The following SGCD variants were observed in gnomAD, a reference collection of about 807,000 sequenced individuals.
SGCD encodes sarcoglycan delta, also known as delta-sarcoglycan.
In SGCD, 18 loss-of-function variants were observed where a neutral mutation model predicts 36.6. That is an observed-to-expected ratio of 0.49 (90% CI 0.34 to 0.73). The LOEUF (loss-of-function observed/expected upper bound fraction) is 0.73, where lower values mean the gene tolerates loss of function less well. Among genes scored for constraint, SGCD ranks in the 30% least tolerant of loss-of-function variants. The probability of loss-of-function intolerance (pLI) is 0.01; values close to 1 mark genes in which losing one functional copy is unlikely to be tolerated. For synonymous variants in SGCD, 133 were observed against 130.6 expected, an observed-to-expected ratio of 1.02 and a Z score of -0.12; for missense variants, 387 against 346.7, an observed-to-expected ratio of 1.12 and a Z score of -0.92.
At chr5:155,997,318 A>G (rs1464724071) in intron 1 of SGCD, among the ~76,000 whole-genome samples, 1 of 152,250 alleles carries the variant, frequency 6.6e-6, no homozygotes, top group Admixed American at 6.5e-5. Context: ...ATGCTATGCT[A>G]ATTCTCAACA....
At chr5:156,223,554 G>A (rs1221392863) in intron 3 of SGCD, among the ~76,000 whole-genome samples, 1 of 152,076 alleles carries the variant, frequency 6.6e-6, no homozygotes, top group African/African-American at 2.4e-5. Flanking sequence ...GACTTCGGGT[G>A]TGTTGATTTC....
chr5:155,736,012 G>T, the SGCD span, among the ~76,000 whole-genome samples: 1 of 152,070 alleles, frequency 6.6e-6, no homozygotes, highest in Non-Finnish European at 1.5e-5. Context: ...TTTTTAGATG[G>T]GAAGCAGTCA....
chr5:156,101,984 G>A (rs1446568228), intron 1 of SGCD, among the ~76,000 whole-genome samples: 3 of 150,582 alleles, frequency 2.0e-5, no homozygotes, highest in African/African-American at 7.3e-5. Context: ...GTGAGTTGGT[G>A]GTAGTACTTG....
At chr5:156,700,858 G>A (rs1183545406) in intron 7 of SGCD, among the ~76,000 whole-genome samples, 6 of 150,026 alleles carry the variant, frequency 4.0e-5, no homozygotes, top group South Asian at 2.1e-4. Flanking sequence ...CAGAAAGATC[G>A]CTTGAGCTTA....
chr5:156,384,503 A>G (rs1771169946), intron 3 of SGCD, among the ~76,000 whole-genome samples: 1 of 152,148 alleles, frequency 6.6e-6, no homozygotes, highest in South Asian at 2.1e-4. Context: ...TAGTTGATTG[A>G]GCTTGTGTGC....
chr5:155,806,605 A>G, the SGCD span, among the ~76,000 whole-genome samples: 389 of 152,332 alleles, frequency 2.6e-3, no homozygotes, highest in African/African-American at 9.1e-3. Context: ...TTTAATCTTC[A>G]TTTGTTATAG....
chr5:156,443,515 G>A (rs1295484880), intron 3 of SGCD, among the ~76,000 whole-genome samples: 3 of 152,090 alleles, frequency 2.0e-5, no homozygotes, highest in Non-Finnish European at 4.4e-5. Context: ...GGACTGAGCT[G>A]ATTAAAAGCT....
chr5:155,951,913 G>A (rs1757555772), intron 1 of SGCD, among the ~76,000 whole-genome samples: 1 of 152,162 alleles, frequency 6.6e-6, no homozygotes, highest in Non-Finnish European at 1.5e-5. Flanking sequence ...GAACCCATAT[G>A]TCCTCTGACC....
chr5:155,904,106 T>G lies in SGCD; in HGVS notation c.-282+33682T>G, dbSNP rs370662658. Among the ~76,000 whole-genome samples, 3 of 152,324 alleles carry G rather than the reference T, an allele frequency of 2.0e-5. No homozygotes were observed. In the East Asian group the frequency reaches 5.8e-4, roughly 29 times the overall value. On this transcript the variant is annotated intron_variant, in intron 1 of 9. Transcript: ENST00000517913. ...AAGTGTGAAAATAGGCATCTTCATA[T>G]GCCTTTGGGAAGAGTGAATTTTGTT...
chr5:155,765,344 G>A, the SGCD span, among the ~76,000 whole-genome samples: 1 of 143,948 alleles, frequency 6.9e-6, no homozygotes. Context: ...GGAAGGAAGG[G>A]AAAGAGAGAG....
At chr5:156,027,233 C>G (rs182997094) in intron 1 of SGCD, among the ~76,000 whole-genome samples, 4 of 152,308 alleles carry the variant, frequency 2.6e-5, no homozygotes, top group Admixed American at 2.6e-4. Context: ...ATTCCAAACT[C>G]TTCTTCTGGT....
chr5:156,074,801 G>GT (rs1760720808), intron 1 of SGCD, among the ~76,000 whole-genome samples: 1 of 152,228 alleles, frequency 6.6e-6, no homozygotes, highest in South Asian at 2.1e-4. Context: ...TAGCATTCAT[G>GT]TTTTTGCAGG....
At chr5:156,607,427 G>A (rs953374142) in intron 6 of SGCD, among the ~76,000 whole-genome samples, 2 of 152,192 alleles carry the variant, frequency 1.3e-5, no homozygotes, top group Non-Finnish European at 2.9e-5. Context: ...GCTTTTTGAT[G>A]TGCTGCTGGA....
At chr5:156,285,335 T>C (rs1168759648) in intron 3 of SGCD, among the ~76,000 whole-genome samples, 1 of 152,140 alleles carries the variant, frequency 6.6e-6, no homozygotes, top group East Asian at 1.9e-4. Context: ...TTAAAGTTCA[T>C]ATGGAACCCA....
At chr5:156,250,943 C>T (rs188863296) in intron 3 of SGCD, among the ~76,000 whole-genome samples, 16 of 152,248 alleles carry the variant, frequency 1.1e-4, no homozygotes, top group South Asian at 2.1e-4. Flanking sequence ...CTTGAAAACA[C>T]GCATTGCTCT....
At chr5:156,378,161 T>C (rs1167788813) in intron 3 of SGCD, among the ~76,000 whole-genome samples, 1 of 152,220 alleles carries the variant, frequency 6.6e-6, no homozygotes, top group East Asian at 1.9e-4. Context: ...GACATGTTAT[T>C]CAGCCTTAAA....
chr5:156,536,735 T>G (rs991182236), intron 4 of SGCD, among the ~76,000 whole-genome samples: 1 of 152,152 alleles, frequency 6.6e-6, no homozygotes, highest in African/African-American at 2.4e-5. Flanking sequence ...TGGTGGCTCA[T>G]TAAGAGACAA....
At chr5:156,579,650 C>A (rs1760157994) in intron 4 of SGCD, among the ~76,000 whole-genome samples, 1 of 152,114 alleles carries the variant, frequency 6.6e-6, no homozygotes, top group South Asian at 2.1e-4. Context: ...TGACTTGATC[C>A]CTTTACCATT....
intron 2 of SGCD, among the ~76,000 whole-genome samples, chr5:156,340,785 G>A (rs1005721278): frequency 1.3e-5 from 2 of 152,186 alleles, no homozygotes; most frequent in African/African-American, 4.8e-5. Context: ...TTTGTTCCGG[G>A]AAGGAATAAG....
Sources: gnomAD v4.1 joint callset for allele counts (sites outside exome capture counted in the v4.1 genomes callset) on GRCh38, gnomAD v4.1.1 for gene constraint, MANE v1.5 for transcripts, NCBI Gene and HGNC (gene_info 2026-07-23, HGNC 2026-07-21) for gene names.